Variants in NDUFS5 observed in about 807,000 individuals in gnomAD.
NDUFS5 encodes NADH dehydrogenase [ubiquinone] iron-sulfur protein 5.
NDUFS5 carries 7 observed loss-of-function variants against 10.5 expected under a neutral mutation model. The ratio of observed to expected loss-of-function variants is 0.66; its 90% CI spans 0.38 to 1.25. NDUFS5 has a LOEUF of 1.25. Ranked by LOEUF, NDUFS5 falls within the 50% of genes most tolerant of loss-of-function variation. NDUFS5 has a pLI of 0.02. For synonymous variants in NDUFS5, 38 were observed against 44.0 expected (o/e 0.86, Z 0.54); for missense variants, 148 against 140.7 (o/e 1.05, Z -0.26).
chr1:39,029,331 T>C (rs1177431709), intron 2 of NDUFS5, among the ~76,000 whole-genome samples: 1 of 152,106 alleles, frequency 6.6e-6, no homozygotes. Context: ...AGTGGGTCAT[T>C]GAGCAGTGGC....
At chr1:39,027,802 TTTC>T (rs1180861064) in intron 1 of NDUFS5, among the ~76,000 whole-genome samples, 5 of 82,334 alleles carry the variant, frequency 6.1e-5, no homozygotes, top group African/African-American at 1.9e-4. Flanking sequence ...AAATTCTTTT[TTTC>T]TTCTTCTTCT....
chr1:39,034,448 GT>G lies in NDUFS5; in HGVS notation c.274del (p.Tyr92ThrfsTer21). On this transcript the variant is annotated frameshift_variant, in exon 3 of 3. Transcript: ENST00000372969. LOFTEE classifies it high-confidence loss of function. ...GGGATAAGCTGATAAAGGAAGGAAA[GT>G]ACACCCCTCCACCTCACCACATTGG... ...QRDKLIKEGK[Y>X]TPPPHHIGKG... 6.2e-7 allele frequency: 1 copy of G among 1,613,792 alleles called. No individual in the cohort carries two copies. The highest frequency in any genetic ancestry group is 8.5e-7 in the Non-Finnish European group (1 of 1,179,812).
chr1:39,034,539 C>T lies in NDUFS5; in HGVS notation c.*43C>T, dbSNP rs1644215854. On this transcript the variant is annotated 3_prime_UTR_variant, in exon 3 of 3. Coordinates refer to ENST00000372969, the MANE Select transcript of NDUFS5 (RefSeq NM_004552.3). ...GTCTGGAGGCTGATTTTCCTGTTCT[C>T]TGTTCTCCACTGGAAAGGTTGTTTA... The T allele has an allele frequency of 6.5e-7, 1 of 1,530,224 alleles. No individual in the cohort carries two copies. The highest frequency in any genetic ancestry group is 2.3e-5 in the East Asian group (1 of 44,304). 94.8% of individuals were successfully genotyped at this position (1,530,224 alleles called of 1,614,324 possible). A position where few individuals can be genotyped will look rare whatever the true frequency, so the allele number is the denominator to read the frequency against.
At chr1:39,027,634 A>G (rs1644159909) in intron 1 of NDUFS5, among the ~76,000 whole-genome samples, 2 of 115,454 alleles carry the variant, frequency 1.7e-5, no homozygotes, top group Non-Finnish European at 3.4e-5. Flanking sequence ...GATGGAGTGC[A>G]GTGGCCAGGT....
intron 2 of NDUFS5, among the ~76,000 whole-genome samples, chr1:39,030,856 T>G (rs775809765): frequency 1.3e-5 from 2 of 152,002 alleles, no homozygotes; most frequent in Non-Finnish European, 2.9e-5. Flanking sequence ...CACCACTCAT[T>G]TGTTGTTGGT....
At position 39,027,739 on chromosome 1, in the gene NDUFS5, C is replaced by CT. The variant is rs1162808002; in HGVS notation, c.-2-959dup. Among the ~76,000 whole-genome samples the CT allele has an allele frequency of 9.3e-3, 402 of 43,360 alleles. 11 individuals carry two copies. The highest frequency in any genetic ancestry group is 0.012 in the African/African-American group (147 of 12,650). The allele number at this position is 43,360 out of a possible 152,430, so 28.4% of individuals were successfully genotyped here. ...CAGGCGCACATACCACCACAAGTGC[C>CT]TTTTTTTTTTTTTTTTTTTTTTTTT... On this transcript the variant is annotated intron_variant, in intron 1 of 2. Coordinates refer to ENST00000372969, the MANE Select transcript of NDUFS5 (RefSeq NM_004552.3).
intron 1 of NDUFS5, among the ~76,000 whole-genome samples, chr1:39,028,491 T>C (rs1018222968): frequency 1.3e-5 from 2 of 152,128 alleles, no homozygotes; most frequent in African/African-American, 2.4e-5. Context: ...GTTCTTTAGT[T>C]ATAGTTCTCT....
Position 39,031,369 on chromosome 1 carries a change from C to T in NDUFS5, c.216+2429C>T, listed in dbSNP as rs144955264. On this transcript the variant is annotated intron_variant, in intron 2 of 2. Transcript: ENST00000372969. ...TGTCACCCGGGCTGGAGTGCAGTGGCGTGATCATAGCTTACTGCACCCTCA... is the reference window on the plus strand; with the variant it reads ...TGTCACCCGGGCTGGAGTGCAGTGGTGTGATCATAGCTTACTGCACCCTCA... Among the ~76,000 whole-genome samples the T allele has an allele frequency of 7.1e-3, 1,084 of 151,956 alleles. 13 individuals are homozygous for T. The highest frequency in any genetic ancestry group is 0.022 in the African/African-American group (920 of 41,428).
chr1:39,029,236 G>GC (rs1025079173), intron 2 of NDUFS5, among the ~76,000 whole-genome samples: 4 of 151,892 alleles, frequency 2.6e-5, no homozygotes, highest in African/African-American at 9.7e-5. Flanking sequence ...CAGGTGATCC[G>GC]CCCCCCTCAG....
At chr1:39,027,900 C>G (rs1176631514) in intron 1 of NDUFS5, among the ~76,000 whole-genome samples, 1 of 144,242 alleles carries the variant, frequency 6.9e-6, no homozygotes, top group Non-Finnish European at 1.5e-5. Context: ...TTATTGCAAC[C>G]TCTGTCTCCC....
intron 2 of NDUFS5, among the ~76,000 whole-genome samples, chr1:39,031,768 C>T (rs1644191874): frequency 1.3e-5 from 2 of 152,292 alleles, no homozygotes; most frequent in South Asian, 4.1e-4. Context: ...ACAGATACCT[C>T]CCTGTAAGTG....
chr1:39,032,073 C>A (rs1356439739), intron 2 of NDUFS5, among the ~76,000 whole-genome samples: 2 of 152,026 alleles, frequency 1.3e-5, no homozygotes, highest in African/African-American at 4.8e-5. Flanking sequence ...GCAGGAGAAT[C>A]GCTTGAACCC....
chr1:39,032,204 A>G (rs1644194501), intron 2 of NDUFS5, among the ~76,000 whole-genome samples: 1 of 152,178 alleles, frequency 6.6e-6, no homozygotes, highest in African/African-American at 2.4e-5. Flanking sequence ...TAAGGCAAAG[A>G]AAAGTTAAGG....
intron 1 of NDUFS5, among the ~76,000 whole-genome samples, 185 bp from the exon 2 acceptor site, chr1:39,028,538 T>C (rs909731930): frequency 3.3e-5 from 5 of 152,190 alleles, no homozygotes; most frequent in Non-Finnish European, 7.3e-5. Flanking sequence ...AAACTGCTTA[T>C]CTGCCATAAA....
Position 39,028,623 on chromosome 1 carries a change from G to T in NDUFS5, c.-2-100G>T, listed in dbSNP as rs368123676. The T allele has an allele frequency of 2.0e-5, 21 of 1,025,512 alleles. No homozygotes were observed. In the East Asian group the frequency reaches 5.2e-4, roughly 25 times the overall value. The allele number at this position is 1,025,512 out of a possible 1,614,324, so 63.5% of individuals were successfully genotyped here. A position where few individuals can be genotyped will look rare whatever the true frequency, so the allele number is the denominator to read the frequency against. On this transcript the variant is annotated intron_variant, in intron 1 of 2. Coordinates refer to ENST00000372969, the MANE Select transcript of NDUFS5 (RefSeq NM_004552.3). ...ATAATATCAAACAGTGTTCTAGAGG[G>T]CTACTTAGCATGATTATCTAATTTT...
At chr1:39,033,452 A>G (rs910731571) in intron 2 of NDUFS5, among the ~76,000 whole-genome samples, 2 of 150,366 alleles carry the variant, frequency 1.3e-5, no homozygotes, top group African/African-American at 4.9e-5. Flanking sequence ...GGGCGCCTGT[A>G]GTCCCAGCGA....
At chr1:39,030,971 G>A (rs913018847) in intron 2 of NDUFS5, among the ~76,000 whole-genome samples, 1 of 151,792 alleles carries the variant, frequency 6.6e-6, no homozygotes, top group African/African-American at 2.4e-5. Flanking sequence ...TTGGGTTCAG[G>A]TGATTCTTCC....
intron 2 of NDUFS5, among the ~76,000 whole-genome samples, chr1:39,033,588 G>A (rs1483141033): frequency 2.1e-5 from 3 of 141,020 alleles, no homozygotes; most frequent in South Asian, 2.6e-4. Context: ...TGCAACCTCC[G>A]CCTCCCGGGT....
chr1:39,026,777 T>A (rs1019230056), intron 1 of NDUFS5, among the ~76,000 whole-genome samples: 1 of 152,074 alleles, frequency 6.6e-6, no homozygotes, highest in Non-Finnish European at 1.5e-5. Flanking sequence ...CCCCCAAACA[T>A]AGCCAGCACT....
Sources: gnomAD v4.1 joint callset for allele counts (sites outside exome capture counted in the v4.1 genomes callset) on GRCh38, gnomAD v4.1.1 for gene constraint, MANE v1.5 for transcripts, NCBI Gene and HGNC (gene_info 2026-07-23, HGNC 2026-07-21) for gene names.